Variants in RGS3 observed in about 807,000 individuals in gnomAD.
RGS3 encodes the protein regulator of G protein signaling 3.
Under a neutral mutation model 132.6 loss-of-function variants are expected in RGS3, and 80 were observed. The ratio of observed to expected loss-of-function variants is 0.60; its 90% CI spans 0.50 to 0.73. The LOEUF (loss-of-function observed/expected upper bound fraction) is 0.73. Among genes scored for constraint, RGS3 ranks in the 30% least tolerant of loss-of-function variants. RGS3 has a pLI of 0.00. For missense variants in RGS3, 1,382 were observed against 1,530.8 expected (o/e 0.90, Z 1.62); for synonymous variants, 598 against 620.6 (o/e 0.96, Z 0.54).
intron 3 of RGS3, among the ~76,000 whole-genome samples, chr9:113,474,237 G>A (rs1387789059): frequency 6.6e-6 from 1 of 152,176 alleles, no homozygotes; most frequent in East Asian, 1.9e-4. Flanking sequence ...CCAGGGGATT[G>A]AACTGACCCA....
chr9:113,472,625 G>C (rs1329252652), intron 3 of RGS3, among the ~76,000 whole-genome samples: 1 of 152,216 alleles, frequency 6.6e-6, no homozygotes, highest in Non-Finnish European at 1.5e-5. Flanking sequence ...GGGGAGAAGG[G>C]AATAGGGTGT....
intron 19 of RGS3, among the ~76,000 whole-genome samples, chr9:113,577,887 C>T (rs1834604524): frequency 6.6e-6 from 1 of 152,238 alleles, no homozygotes; most frequent in Non-Finnish European, 1.5e-5. Flanking sequence ...GTCAATATCC[C>T]TCCTTCCTCT....
chr9:113,563,618 C>T (rs1833878996), intron 19 of RGS3, among the ~76,000 whole-genome samples: 2 of 152,284 alleles, frequency 1.3e-5, no homozygotes, highest in South Asian at 4.1e-4. Flanking sequence ...AGCAGGATGA[C>T]AGCCTTCCAG....
intron 8 of RGS3, 108 bp downstream of exon 6, chr9:113,495,954 G>C (rs1830669551): frequency 2.1e-6 from 2 of 965,468 alleles, no homozygotes; most frequent in Non-Finnish European, 3.4e-6. Flanking sequence ...GTGAGATGGT[G>C]CCCCACTGAG....
At chr9:113,573,137 C>G (rs1179921876) in intron 19 of RGS3, among the ~76,000 whole-genome samples, 1 of 152,140 alleles carries the variant, frequency 6.6e-6, no homozygotes, top group African/African-American at 2.4e-5. Flanking sequence ...GGAAATCGAG[C>G]CTGAATAGGT....
chr9:113,595,406 G>A, intron 23 of RGS3, 193 bp from the exon 22 acceptor site: 1 of 598,578 alleles, frequency 1.7e-6, no homozygotes, highest in Non-Finnish European at 2.9e-6. Flanking sequence ...GAGAGGGGGA[G>A]ACCCCACTGA....
At chr9:113,455,096 C>T (rs1488634545) in intron 1 of RGS3, among the ~76,000 whole-genome samples, 1 of 152,190 alleles carries the variant, frequency 6.6e-6, no homozygotes, top group African/African-American at 2.4e-5. Flanking sequence ...TGAGTTCCCT[C>T]TCCCTTTTGG....
intron 16 of RGS3, among the ~76,000 whole-genome samples, chr9:113,517,893 T>C (rs1279331274): frequency 6.6e-6 from 1 of 152,150 alleles, no homozygotes; most frequent in Non-Finnish European, 1.5e-5. Flanking sequence ...CCCACCTTCC[T>C]CTCAGGAGCA....
chr9:113,522,989 C>G, exon 17 of RGS3: 1 of 1,614,166 alleles, frequency 6.2e-7, no homozygotes. Context: ...AGCCTGGCCG[C>G]TGCGACGTCC....
At chr9:113,576,684 C>T (rs764994593) in intron 19 of RGS3, among the ~76,000 whole-genome samples, 24 of 152,170 alleles carry the variant, frequency 1.6e-4, no homozygotes, top group African/African-American at 4.3e-4. Context: ...AGTGGTCAGA[C>T]GTGAGGCTAC....
intron 19 of RGS3, among the ~76,000 whole-genome samples, chr9:113,544,308 T>TC (rs1833022341): frequency 6.6e-6 from 1 of 151,738 alleles, no homozygotes; most frequent in Non-Finnish European, 1.5e-5. Flanking sequence ...TGTTTTTTTT[T>TC]TTTTTTTCTT....
At chr9:113,466,651 A>T (rs1829655557) in intron 3 of RGS3, among the ~76,000 whole-genome samples, 1 of 152,184 alleles carries the variant, frequency 6.6e-6, no homozygotes, top group African/African-American at 2.4e-5. Context: ...CATTGTAGGT[A>T]TACATAATAT....
intron 19 of RGS3, among the ~76,000 whole-genome samples, chr9:113,547,199 G>A (rs1049076836): frequency 7.9e-5 from 12 of 152,178 alleles, no homozygotes; most frequent in African/African-American, 2.2e-4. Context: ...GCAAAGCCTC[G>A]GTACTCTAAT....
intron 1 of RGS3, among the ~76,000 whole-genome samples, chr9:113,451,622 C>G (rs1190646796): frequency 1.3e-5 from 2 of 151,774 alleles, no homozygotes; most frequent in Non-Finnish European, 2.9e-5. Context: ...TTGCTTCTTG[C>G]AATTATCTAA....
intron 1 of RGS3, among the ~76,000 whole-genome samples, chr9:113,450,273 G>A (rs915831104): frequency 6.6e-6 from 1 of 151,124 alleles, no homozygotes; most frequent in Non-Finnish European, 1.5e-5. Context: ...GGGTTTCACC[G>A]TATTAGCCAG....
At chr9:113,562,350 G>A (rs1486422704) in intron 19 of RGS3, among the ~76,000 whole-genome samples, 5 of 151,950 alleles carry the variant, frequency 3.3e-5, no homozygotes, top group Non-Finnish European at 5.9e-5. Flanking sequence ...GGTGGCGCAC[G>A]CCTGTAGTCC....
chr9:113,565,173 T>G lies in RGS3; in HGVS notation c.2038-18277T>G. 1 of 1,228,322 alleles carries G rather than the reference T, an allele frequency of 8.1e-7. No homozygotes were observed. Among genetic ancestry groups the G allele is most frequent in the Non-Finnish European group, 1.0e-6 (1 of 959,142 alleles). 76.1% of individuals were successfully genotyped at this position (1,228,322 alleles called of 1,614,324 possible). On this transcript the variant is annotated intron_variant, in intron 19 of 24. Transcript: ENST00000350696. The surrounding 1 kb of genome is among the most constrained non-coding windows in gnomAD (Gnocchi z 5.7). ...GACCCACAGCCTATGCGTGTGAGCA[T>G]GTAACCCGGGAGCCAGCTGGGCCCC...
chr9:113,581,038 G>GGGGC (rs1834781683), intron 19 of RGS3: 1 of 145,840 alleles, frequency 6.9e-6, no homozygotes, highest in Non-Finnish European at 1.5e-5. Flanking sequence ...GGGTCGGGGG[G>GGGGC]AGGTCTGGCC....
chr9:113,464,010 G>A lies in RGS3; in HGVS notation c.415+1809G>A, dbSNP rs1206145091. ...TTTCTATCTAGGGGCACCTTCTCTG[G>A]CCCCTTTCTCCTGTGACTGCCCAGG... On this transcript the variant is annotated intron_variant, in intron 3 of 24. Transcript: ENST00000350696. The A allele has an allele frequency of 4.2e-6, 4 of 946,514 alleles. No individual in the cohort carries two copies. The African/African-American group carries it at 5.1e-5, about 12-fold the overall frequency. The allele number at this position is 946,514 out of a possible 1,614,324, so 58.6% of individuals were successfully genotyped here. A position where few individuals can be genotyped will look rare whatever the true frequency, so the allele number is the denominator to read the frequency against.
Sources: allele counts gnomAD v4.1 joint callset (sites outside exome capture counted in the v4.1 genomes callset), GRCh38; gene constraint gnomAD v4.1.1; non-coding constraint Gnocchi (gnomAD v3.1); transcripts MANE v1.5; gene names NCBI Gene and HGNC (gene_info 2026-07-23, HGNC 2026-07-21).